Variants in CEP85L observed in about 807,000 individuals in gnomAD.
The protein encoded by CEP85L is centrosomal protein 85L, also known as centrosomal protein of 85 kDa-like.
In CEP85L, 60 loss-of-function variants were observed where a neutral mutation model predicts 100.3. That is an observed-to-expected ratio of 0.60 (90% CI 0.49 to 0.74). CEP85L has a LOEUF of 0.74. CEP85L is among the 30% of genes least tolerant of loss of function. The pLI, the probability that CEP85L is intolerant of heterozygous loss-of-function variation, is 0.00. For missense variants in CEP85L, 973 were observed against 936.2 expected, an observed-to-expected ratio of 1.04 and a Z score of -0.51; for synonymous variants, 319 against 322.7, an observed-to-expected ratio of 0.99 and a Z score of 0.12.
At chr6:118,498,757 C>T (rs1232193330) in intron 5 of CEP85L, among the ~76,000 whole-genome samples, 1 of 152,160 alleles carries the variant, frequency 6.6e-6, no homozygotes, top group Non-Finnish European at 1.5e-5. Context: ...ACAGCCCCAT[C>T]AATCAATTAA....
In CEP85L at chr6:118,698,155, G is replaced by C. The variant is rs1777277160; in HGVS notation, c.-28+11881C>G. ...GAAGGGCACACAAAATGAGACATAT[G>C]TTGCTTCTAAAATCCAGAGACCACC... On this transcript the variant is annotated intron_variant, in intron 1 of 13. Coordinates refer to the CEP85L transcript ENST00000368488. 3.9e-5 allele frequency among the ~76,000 whole-genome samples: 6 copies of C among 152,178 alleles called. 1 individual carries two copies. Among genetic ancestry groups the C allele is most frequent in the Admixed American group, 3.9e-4 (6 of 15,274 alleles).
At chr6:118,484,000 T>C (rs1417942693) in intron 6 of CEP85L, 142 bp from the exon 7 acceptor site, 2 of 710,512 alleles carry the variant, frequency 2.8e-6, no homozygotes, top group Non-Finnish European at 4.6e-6. Flanking sequence ...AATTAAGATT[T>C]ACCTTATTTC....
chr6:118,562,434 G>A (rs1779278992), intron 3 of CEP85L, among the ~76,000 whole-genome samples: 1 of 151,884 alleles, frequency 6.6e-6, no homozygotes, highest in Admixed American at 6.6e-5. Context: ...CATGATCATT[G>A]CACACTGCAG....
chr6:118,531,611 C>T (rs1393588650), intron 3 of CEP85L, among the ~76,000 whole-genome samples: 2 of 152,080 alleles, frequency 1.3e-5, no homozygotes, highest in Non-Finnish European at 2.9e-5. Flanking sequence ...GCAAACTATG[C>T]ATCCAGTAAA....
chr6:118,652,552 A>C (rs1186714789), upstream of CEP85L: 3 of 1,422,716 alleles, frequency 2.1e-6, no homozygotes, highest in Non-Finnish European at 2.8e-6. Context: ...TTAACTAGAG[A>C]GGCTTTGAGT....
intron 7 of CEP85L, among the ~76,000 whole-genome samples, chr6:118,482,222 T>C (rs1302510584): frequency 6.6e-6 from 1 of 152,166 alleles, no homozygotes; most frequent in East Asian, 1.9e-4. Context: ...GTAATAAATA[T>C]ATAACTCTAT....
chr6:118,633,328 C>T (rs369364215), intron 1 of CEP85L, among the ~76,000 whole-genome samples: 10 of 151,804 alleles, frequency 6.6e-5, no homozygotes, highest in African/African-American at 2.4e-4. Context: ...CCTCAGCCTC[C>T]GGAGCAGCTG....
chr6:118,493,994 G>GA (rs1438411329), intron 5 of CEP85L, among the ~76,000 whole-genome samples: 9 of 152,060 alleles, frequency 5.9e-5, no homozygotes, highest in African/African-American at 1.9e-4. Context: ...ATAAAAAGCT[G>GA]AAAAAACTGA....
At chr6:118,665,953 T>G (rs1258651158) in intron 1 of CEP85L, among the ~76,000 whole-genome samples, 1 of 152,188 alleles carries the variant, frequency 6.6e-6, no homozygotes, top group Non-Finnish European at 1.5e-5. Context: ...GCCGAATACT[T>G]GGCGCATCAC....
chr6:118,526,253 C>T (rs1776956881), intron 3 of CEP85L, among the ~76,000 whole-genome samples: 1 of 152,188 alleles, frequency 6.6e-6, no homozygotes, highest in African/African-American at 2.4e-5. Context: ...AGTAGTTTCA[C>T]TGTGGTTGGT....
chr6:118,502,138 G>A, intron 5 of CEP85L: 1 of 1,160,740 alleles, frequency 8.6e-7, no homozygotes, highest in Admixed American at 2.3e-5. Context: ...ACTTCAGTCT[G>A]GAGTGAATAT....
At chr6:118,467,416 T>C (rs1326811691) in intron 12 of CEP85L, among the ~76,000 whole-genome samples, 4 of 152,022 alleles carry the variant, frequency 2.6e-5, no homozygotes, top group Non-Finnish European at 5.9e-5. Flanking sequence ...ACCTAGAGAA[T>C]GATGTCATGG....
intron 2 of CEP85L, among the ~76,000 whole-genome samples, chr6:118,570,183 A>C (rs1779803485): frequency 6.6e-6 from 1 of 152,224 alleles, no homozygotes; most frequent in Admixed American, 6.5e-5. Flanking sequence ...AAAGGGGGCA[A>C]AAGGAGAAAA....
At position 118,483,736 on chromosome 6, in the gene CEP85L, A is replaced by G; in HGVS notation, c.1560T>C (p.Thr520=). 1 of 1,613,762 alleles carries G rather than the reference A, an allele frequency of 6.2e-7. No homozygotes were observed. Among genetic ancestry groups the G allele is most frequent in the Non-Finnish European group, 8.5e-7 (1 of 1,179,818 alleles). ...TLEKYLADLP[T]LDDVQSQSLQ... is the part of the protein sequence containing the mutation. ...GACTCTGACTCTGTACATCATCTAG[A>G]GTTGGAAGATCAGCCAGATACTTTT... Residue 520 remains threonine, a synonymous_variant, in exon 7 of 13, where the codon ACT becomes ACC. Transcript: ENST00000368491.
intron 2 of CEP85L, among the ~76,000 whole-genome samples, chr6:118,597,733 GAA>G (rs1237556976): frequency 1.3e-5 from 2 of 152,178 alleles, no homozygotes; most frequent in East Asian, 3.8e-4. Context: ...GGAGACTTAT[GAA>G]AAAGATAACG....
At chr6:118,514,539 A>AAAAAG (rs1776156913) in intron 4 of CEP85L, among the ~76,000 whole-genome samples, 1 of 105,284 alleles carries the variant, frequency 9.5e-6, no homozygotes, top group African/African-American at 3.2e-5. Flanking sequence ...AAAAAAAAAA[A>AAAAAG]AAAAGAAAAC....
chr6:118,566,835 G>GTAC lies in CEP85L; in HGVS notation c.233-520_233-519insGTA, dbSNP rs1454503122. On this transcript the variant is annotated intron_variant, in intron 2 of 12. Transcript: ENST00000368491. ...TTTCTAAATATGGATACCTAATAGA[G>GTAC]TATATGGCCTTTCACCATCTACTGT... Among the ~76,000 whole-genome samples, 32 of 152,162 alleles carry GTAC rather than the reference G, an allele frequency of 2.1e-4. 1 individual carries two copies. Among genetic ancestry groups the GTAC allele is most frequent in the Non-Finnish European group, 3.8e-4 (26 of 68,036 alleles).
At chr6:118,530,064 C>A (rs1296877731) in intron 3 of CEP85L, among the ~76,000 whole-genome samples, 1 of 151,846 alleles carries the variant, frequency 6.6e-6, no homozygotes, top group African/African-American at 2.4e-5. Flanking sequence ...TTTTATAAAA[C>A]TTTATAAGGT....
intron 2 of CEP85L, among the ~76,000 whole-genome samples, chr6:118,570,098 A>C (rs1476166481): frequency 6.6e-6 from 1 of 152,230 alleles, no homozygotes; most frequent in African/African-American, 2.4e-5. Context: ...AAATACATAT[A>C]CATTCATTAG....
Sources: gnomAD v4.1 joint callset for allele counts (sites outside exome capture counted in the v4.1 genomes callset) on GRCh38, gnomAD v4.1.1 for gene constraint, MANE v1.5 for transcripts, NCBI Gene and HGNC (gene_info 2026-07-23, HGNC 2026-07-21) for gene names.